Variants in MED12L observed in about 807,000 individuals in gnomAD.
The protein encoded by MED12L is mediator complex subunit 12L.
Under a neutral mutation model 281.3 loss-of-function variants are expected in MED12L, and 60 were observed. The ratio of observed to expected loss-of-function variants is 0.21; its 90% CI spans 0.17 to 0.26. The LOEUF (loss-of-function observed/expected upper bound fraction) is 0.26, where lower values mean the gene tolerates loss of function less well. Ranked by LOEUF, MED12L falls within the 10% of genes least tolerant of loss-of-function variation. The pLI is 1.00. For synonymous variants in MED12L, 974 were observed against 987.2 expected (o/e 0.99, Z 0.25); for missense variants, 2,146 against 2,680.9 (o/e 0.80, Z 4.41).
intron 16 of MED12L, among the ~76,000 whole-genome samples, chr3:151,206,640 A>ATTTTTTT (rs1216609130): frequency 3.4e-3 from 54 of 15,944 alleles, no homozygotes; most frequent in Admixed American, 7.9e-3. Flanking sequence ...CTAACACATT[A>ATTTTTTT]TCTTTTTTTT....
chr3:151,226,440 A>G (rs537597864), intron 16 of MED12L, among the ~76,000 whole-genome samples: 15 of 152,308 alleles, frequency 9.8e-5, no homozygotes, highest in African/African-American at 1.9e-4. Flanking sequence ...TGATTCATCA[A>G]AGGGCACCTA....
chr3:151,239,255 T>A (rs952638488), intron 16 of MED12L, among the ~76,000 whole-genome samples: 1 of 152,256 alleles, frequency 6.6e-6, no homozygotes, highest in African/African-American at 2.4e-5. Context: ...GACCAAAAGA[T>A]TTCAGTGTTA....
chr3:151,413,631 A>C (rs925949872), intron 42 of MED12L, among the ~76,000 whole-genome samples: 3 of 152,202 alleles, frequency 2.0e-5, no homozygotes, highest in African/African-American at 7.2e-5. Flanking sequence ...ATTTTTTAAA[A>C]GTGTCATAAA....
intron 8 of MED12L, among the ~76,000 whole-genome samples, chr3:151,163,423 C>G (rs1392338675): frequency 1.3e-5 from 2 of 152,140 alleles, no homozygotes; most frequent in Non-Finnish European, 2.9e-5. Flanking sequence ...TTTGACAACC[C>G]CTTGTCCAGG....
chr3:151,400,992 A>G (rs1233298810), intron 39 of MED12L, among the ~76,000 whole-genome samples: 2 of 152,134 alleles, frequency 1.3e-5, no homozygotes, highest in Non-Finnish European at 2.9e-5. Context: ...AATCCCCATC[A>G]TGATTTAGCA....
Position 151,383,864 on chromosome 3 carries a change from G to C in MED12L, c.4766G>C (p.Gly1589Ala). Reference protein sequence around the residue: ...ALLLLQIITSGTVDMHTNNEL... With the variant: ...ALLLLQIITSATVDMHTNNEL... ...CTACTCCTTCAGATCATTACTTCAG[G>C]AACTGTTGACATGCACACTAACAAG... Residue 1589 changes from glycine to alanine, a missense_variant, in exon 34 of 45, where the codon GGA becomes GCA. Physicochemically the swap from Gly to Ala is moderately conservative, Grantham distance 60. Coordinates refer to ENST00000687756, the MANE Select transcript of MED12L (RefSeq NM_001393769.1). 6.2e-7 allele frequency: 1 copy of C among 1,613,758 alleles called. No individual in the cohort carries two copies. The highest frequency in any genetic ancestry group is 8.5e-7 in the Non-Finnish European group (1 of 1,179,788).
At chr3:151,314,983 T>C (rs1216623736) in intron 16 of MED12L, among the ~76,000 whole-genome samples, 1 of 152,142 alleles carries the variant, frequency 6.6e-6, no homozygotes, top group East Asian at 1.9e-4. Flanking sequence ...TACTGCCTCT[T>C]GCCTGCATAG....
chr3:151,262,620 A>G (rs182069490), intron 16 of MED12L, among the ~76,000 whole-genome samples: 14 of 152,358 alleles, frequency 9.2e-5, no homozygotes. Flanking sequence ...TGCATGGGCA[A>G]TGTAAATACA....
intron 16 of MED12L, among the ~76,000 whole-genome samples, chr3:151,267,259 A>G (rs1026503125): frequency 5.9e-5 from 9 of 152,150 alleles, no homozygotes; most frequent in Non-Finnish European, 8.8e-5. Context: ...AGGATTGTAC[A>G]TTGTCATTTA....
intron 25 of MED12L, among the ~76,000 whole-genome samples, chr3:151,368,470 T>C (rs1755556826): frequency 6.6e-6 from 1 of 152,032 alleles, no homozygotes; most frequent in South Asian, 2.1e-4. Flanking sequence ...CAAGAGTTAG[T>C]AAGCAATAAA....
intron 32 of MED12L, 25 bp from the exon 33 acceptor site, chr3:151,382,631 T>G: frequency 6.4e-7 from 1 of 1,563,318 alleles, no homozygotes; most frequent in African/African-American, 1.4e-5. Context: ...TAAACTTTAA[T>G]GGGGAGTTTT....
At chr3:151,249,408 A>G (rs952875455) in intron 16 of MED12L, among the ~76,000 whole-genome samples, 1 of 152,204 alleles carries the variant, frequency 6.6e-6, no homozygotes, top group Non-Finnish European at 1.5e-5. Flanking sequence ...AAACATCTGC[A>G]CGTTTCCTTC....
intron 3 of MED12L, among the ~76,000 whole-genome samples, chr3:151,118,036 A>T (rs1225701946): frequency 6.7e-6 from 1 of 148,634 alleles, no homozygotes; most frequent in Non-Finnish European, 1.5e-5. Flanking sequence ...GGTTGCAGTG[A>T]GCCGAGATTG....
At chr3:151,119,789 C>G (rs1713459343) in intron 3 of MED12L, among the ~76,000 whole-genome samples, 1 of 152,166 alleles carries the variant, frequency 6.6e-6, no homozygotes, top group Admixed American at 6.5e-5. Context: ...GGACCCAAGA[C>G]TTCTGAGGGG....
At chr3:151,133,961 G>A (rs1047086781) in intron 5 of MED12L, among the ~76,000 whole-genome samples, 1 of 152,138 alleles carries the variant, frequency 6.6e-6, no homozygotes, top group African/African-American at 2.4e-5. Context: ...TCTTATTGTT[G>A]CTGAATCAAC....
chr3:151,122,121 G>C (rs1713851588), intron 3 of MED12L, among the ~76,000 whole-genome samples: 1 of 152,106 alleles, frequency 6.6e-6, no homozygotes, highest in South Asian at 2.1e-4. Context: ...ATATGAAAAT[G>C]ATACAGTAAT....
At chr3:151,408,395 C>T (rs1716575439) in intron 39 of MED12L, among the ~76,000 whole-genome samples, 1 of 152,070 alleles carries the variant, frequency 6.6e-6, no homozygotes, top group African/African-American at 2.4e-5. Context: ...TATAATTTAG[C>T]ACTTTTTAAA....
intron 5 of MED12L, among the ~76,000 whole-genome samples, chr3:151,141,456 T>G (rs1475129681): frequency 6.6e-6 from 1 of 152,130 alleles, no homozygotes; most frequent in Non-Finnish European, 1.5e-5. Flanking sequence ...TTTAACCAAA[T>G]GGGGGCTGTG....
intron 2 of MED12L, among the ~76,000 whole-genome samples, chr3:151,114,750 G>T (rs1182945050): frequency 6.6e-6 from 1 of 151,246 alleles, no homozygotes; most frequent in Admixed American, 6.6e-5. Context: ...GGTAGGGCAA[G>T]AAGGTTTTTT....
Sources: allele counts gnomAD v4.1 joint callset (sites outside exome capture counted in the v4.1 genomes callset), GRCh38; gene constraint gnomAD v4.1.1; transcripts MANE v1.5; gene names NCBI Gene and HGNC (gene_info 2026-07-23, HGNC 2026-07-21).